The following ALAS2 variants were observed in gnomAD, a reference collection of about 807,000 sequenced individuals.
ALAS2 encodes 5-aminolevulinate synthase, erythroid-specific, mitochondrial.
A neutral mutation model predicts 33.7 loss-of-function variants in ALAS2; 3 were observed. The observed-to-expected ratio is 0.09, with a 90% CI of 0.04 to 0.23. The LOEUF is 0.23. Among genes scored for constraint, ALAS2 ranks in the 10% least tolerant of loss-of-function variants. The pLI, the probability that ALAS2 is intolerant of heterozygous loss-of-function variation, is 1.00. For missense variants in ALAS2, 304 were observed against 475.1 expected (o/e 0.64, Z 3.35); for synonymous variants, 191 against 177.3 (o/e 1.08, Z -0.61).
At chrX:55,028,851 G>A (rs1322195065) in intron 1 of ALAS2, among the ~76,000 whole-genome samples, 5 of 111,540 alleles carry the variant, frequency 4.5e-5, no homozygotes, top group Admixed American at 9.5e-5. Flanking sequence ...GGTATAAAGA[G>A]TATAGGCTCT....
chrX:55,030,276 C>T (rs746071814), intron 1 of ALAS2, among the ~76,000 whole-genome samples: 6 of 111,865 alleles, frequency 5.4e-5, no homozygotes, highest in African/African-American at 1.9e-4. Context: ...TGTTTACTTT[C>T]TGTATAGTGA....
At chrX:55,009,391 C>T (rs748544392) in intron 10 of ALAS2, 48 bp from the exon 11 acceptor site, 1 of 1,125,835 alleles carries the variant, frequency 8.9e-7, no homozygotes, top group East Asian at 3.2e-5. Flanking sequence ...TAGACTAGAT[C>T]TTCCAAATCT....
intron 7 of ALAS2, among the ~76,000 whole-genome samples, chrX:55,015,959 CTGTGTGTGTG>C (rs56109492): frequency 0.012 from 947 of 80,107 alleles, 5 homozygotes; most frequent in African/African-American, 0.028. Flanking sequence ...CTCTGTCTCT[CTGTGTGTGTG>C]TGTGTGTGTG....
Position 55,009,324 on chromosome X carries a change from C to A in ALAS2, c.1620G>T (p.Trp540Cys). The stretch of plus-strand genomic sequence containing the variant: ...CCTGGAGGGGCAGCCCCACCGCAGT[C>A]CAAGCCAGCAGCAGCTTCTCTGAAG... The part of the protein sequence containing the change: ...EDFVEKLLLA[W>C]TAVGLPLQDV... Residue 540 changes from tryptophan to cysteine, a missense_variant, in exon 11 of 11, where the codon TGG (tryptophan) becomes TGT (cysteine). Physicochemically the swap from Trp to Cys is radical, Grantham distance 215. Around this residue, in one of 3 missense-constraint regions of ALAS2, gnomAD observed 95 missense variants for 127.0 expected, o/e 0.75. Coordinates refer to ENST00000650242, the MANE Select transcript of ALAS2 (RefSeq NM_000032.5). 1 of 1,202,968 alleles carries A rather than the reference C, an allele frequency of 8.3e-7. No individual in the cohort carries two copies. Among genetic ancestry groups the A allele is most frequent in the Non-Finnish European group, 1.1e-6 (1 of 891,184 alleles).
At chrX:55,015,776 A>G (rs1935688197) in intron 7 of ALAS2, 34 bp from the exon 8 acceptor site, 3 of 1,201,888 alleles carry the variant, frequency 2.5e-6, no homozygotes, top group Non-Finnish European at 3.4e-6. Context: ...GTAGGACATC[A>G]TAACCCTTCC....
chrX:55,025,356 A>G (rs1177166925), intron 2 of ALAS2, among the ~76,000 whole-genome samples: 1 of 110,951 alleles, frequency 9.0e-6, no homozygotes, highest in African/African-American at 3.3e-5. Context: ...CTTTTCTTTG[A>G]CAGATTCTCG....
intron 10 of ALAS2, among the ~76,000 whole-genome samples, 175 bp downstream of exon 10, chrX:55,013,311 C>T (rs1448673124): frequency 9.0e-6 from 1 of 111,590 alleles, no homozygotes; most frequent in Non-Finnish European, 1.9e-5. Context: ...AACTGGAGCC[C>T]TACAAGTGTA....
At position 55,014,878 on chromosome X, in the gene ALAS2, G is replaced by T; in HGVS notation, c.1306C>A (p.Arg436=). 8.3e-7 allele frequency: 1 copy of T among 1,207,626 alleles called. No homozygotes were observed. The highest frequency in any genetic ancestry group is 1.1e-6 in the Non-Finnish European group (1 of 893,340). Residue 436 remains arginine (R), a synonymous_variant, in exon 9 of 11, where the codon CGG becomes AGG. Transcript: ENST00000650242. ...MVLSGALESV[R]LLKGEEGQAL... is the part of the protein sequence containing the mutation. Reference sequence around the variant, plus strand: ...TGGCCCTCCTCTCCCTTGAGCAGCCGCACAGATTCTAGAGCTCCAGAGAGC... The same window carrying T: ...TGGCCCTCCTCTCCCTTGAGCAGCCTCACAGATTCTAGAGCTCCAGAGAGC...
At chrX:55,018,182 T>TGTTA (rs1935736974) in intron 6 of ALAS2, among the ~76,000 whole-genome samples, 1 of 111,833 alleles carries the variant, frequency 8.9e-6, no homozygotes, top group Non-Finnish European at 1.9e-5. Context: ...CTGGCAGGGC[T>TGTTA]GTTAGTGATC....
At chrX:55,019,645 G>A (rs1036354430) in intron 6 of ALAS2, among the ~76,000 whole-genome samples, 13 of 111,407 alleles carry the variant, frequency 1.2e-4, no homozygotes, top group South Asian at 3.8e-4. Context: ...GTATGAGCCC[G>A]GAATTGATAT....
At position 55,014,801 on chromosome X, in the gene ALAS2, G is replaced by A. The variant is rs766086903; in HGVS notation, c.1383C>T (p.Leu461=). ...GGATGACAGGAAGGCCCCTGTCCAT[G>A]AGTAGCTGGCGCATGTGCTTGACAT... ...QRNVKHMRQL[L]MDRGLPVIPC... Residue 461 remains leucine, a synonymous_variant, in exon 9 of 11, where the codon CTC becomes CTT. Transcript: ENST00000650242. The A allele has an allele frequency of 4.2e-6, 5 of 1,201,166 alleles. No homozygotes were observed. In the Admixed American group the frequency reaches 8.8e-5, roughly 21 times the overall value.
At chrX:55,030,818 C>A in intron 1 of ALAS2, 124 bp downstream of exon 1, 1 of 183,117 alleles carries the variant, frequency 5.5e-6, no homozygotes, top group South Asian at 8.6e-5. Flanking sequence ...GAAAAAGAGA[C>A]AGATTCTAAG....
intron 10 of ALAS2, among the ~76,000 whole-genome samples, 194 bp downstream of exon 10, chrX:55,013,292 C>T (rs747615679): frequency 2.1e-4 from 24 of 111,636 alleles, no homozygotes; most frequent in Middle Eastern, 4.6e-3. Flanking sequence ...ACTATGGTAT[C>T]CCCAACCAAA....
At chrX:55,028,250 C>T (rs779721295) in intron 1 of ALAS2, among the ~76,000 whole-genome samples, 1 of 111,030 alleles carries the variant, frequency 9.0e-6, no homozygotes, top group African/African-American at 3.3e-5. Flanking sequence ...ACTCCCCAAG[C>T]TGAGACCAGG....
chrX:55,015,151 G>A (rs1023375529), intron 8 of ALAS2, 136 bp from the exon 9 acceptor site: 2 of 698,967 alleles, frequency 2.9e-6, no homozygotes, highest in Non-Finnish European at 4.1e-6. Flanking sequence ...CTGCTCATCT[G>A]TCCATGACAA....
intron 1 of ALAS2, among the ~76,000 whole-genome samples, chrX:55,029,937 G>T (rs2146731903): frequency 9.2e-6 from 1 of 109,067 alleles, no homozygotes; most frequent in South Asian, 4.2e-4. Flanking sequence ...ACTCATTGCA[G>T]CATTCCTTGT....
Position 55,009,155 on chromosome X carries a change from G to T in ALAS2, c.*25C>A, listed in dbSNP as rs1935551325. On this transcript the variant is annotated 3_prime_UTR_variant, in exon 11 of 11. Coordinates refer to ENST00000650242, the MANE Select transcript of ALAS2 (RefSeq NM_000032.5). ...TGGACCCAAGTGAAGCGCAGGTGGG[G>T]TGTGAATCCTAGGCAGCTGGCTTCT... The T allele has an allele frequency of 8.3e-7, 1 of 1,202,217 alleles. No homozygotes were observed. Among genetic ancestry groups the T allele is most frequent in the Non-Finnish European group, 1.1e-6 (1 of 891,126 alleles).
chrX:55,028,150 C>T (rs1226002660), intron 1 of ALAS2, among the ~76,000 whole-genome samples: 1 of 111,017 alleles, frequency 9.0e-6, no homozygotes, highest in Non-Finnish European at 1.9e-5. Context: ...TTTCCCTTCC[C>T]CTGCCTGCTT....
At chrX:55,026,040 G>A (rs748032039) in intron 1 of ALAS2, 25 bp from the exon 2 acceptor site, 35 of 1,184,511 alleles carry the variant, frequency 3.0e-5, no homozygotes, top group Non-Finnish European at 3.6e-5. Context: ...GAAGAGATGA[G>A]GTTCCATCAT....
Sources: allele counts gnomAD v4.1 joint callset (sites outside exome capture counted in the v4.1 genomes callset), GRCh38; gene constraint gnomAD v4.1.1; regional missense constraint gnomAD v4.1.1; transcripts MANE v1.5; gene names NCBI Gene and HGNC (gene_info 2026-07-23, HGNC 2026-07-21).